The following TPO variants were observed in gnomAD, a reference collection of about 807,000 sequenced individuals.
TPO encodes thyroid peroxidase.
TPO carries 78 observed loss-of-function variants against 96.9 expected under a neutral mutation model. That is an observed-to-expected ratio of 0.81 (90% CI 0.67 to 0.97). TPO has a LOEUF of 0.97. TPO is among the 50% of genes least tolerant of loss of function. The pLI, the probability that TPO is intolerant of heterozygous loss-of-function variation, is 0.00. For missense variants in TPO, 1,252 were observed against 1,274.8 expected (o/e 0.98, Z 0.27); for synonymous variants, 547 against 538.0 (o/e 1.02, Z -0.23).
intron 8 of TPO, among the ~76,000 whole-genome samples, chr2:1,480,600 A>ACACACACACACC (rs1670463130): frequency 7.3e-6 from 1 of 137,926 alleles, no homozygotes; most frequent in Non-Finnish European, 1.6e-5. Flanking sequence ...ACACACACAC[A>ACACACACACACC]CACACGAGCC....
chr2:1,386,788 T>C (rs1358352323), intron 1 of TPO, among the ~76,000 whole-genome samples: 1 of 152,224 alleles, frequency 6.6e-6, no homozygotes, highest in African/African-American at 2.4e-5. Flanking sequence ...CATTAGTTGA[T>C]GCAGTTTCTT....
chr2:1,402,280 G>T (rs1662184007), intron 1 of TPO, among the ~76,000 whole-genome samples: 1 of 152,208 alleles, frequency 6.6e-6, no homozygotes, highest in Non-Finnish European at 1.5e-5. Flanking sequence ...TCTGGGGGCA[G>T]ATAGTGAAAG....
chr2:1,528,497 T>C (rs1399548738), intron 15 of TPO, among the ~76,000 whole-genome samples: 2 of 125,722 alleles, frequency 1.6e-5, no homozygotes, highest in African/African-American at 6.7e-5. Flanking sequence ...AATCCCCCCT[T>C]CTGTGCAATT....
At chr2:1,484,143 A>C (rs919942653) in intron 8 of TPO, among the ~76,000 whole-genome samples, 3 of 152,190 alleles carry the variant, frequency 2.0e-5, no homozygotes, top group Non-Finnish European at 2.9e-5. Flanking sequence ...AGGCCCTGTG[A>C]TTGCAACTGT....
chr2:1,391,040 T>A (rs2148358029), intron 1 of TPO, among the ~76,000 whole-genome samples: 1 of 152,338 alleles, frequency 6.6e-6, no homozygotes, highest in African/African-American at 2.4e-5. Context: ...TTTAATTAGA[T>A]CCCATTTGTC....
At chr2:1,399,084 A>G (rs1390886170) in intron 1 of TPO, among the ~76,000 whole-genome samples, 1 of 152,114 alleles carries the variant, frequency 6.6e-6, no homozygotes, top group African/African-American at 2.4e-5. Flanking sequence ...CTGCAGGTGC[A>G]TTTCCCAGGT....
chr2:1,531,249 T>TTCCCCCCACTGTGAGCAATCTCCTCAAA (rs1166779902), intron 15 of TPO, among the ~76,000 whole-genome samples: 1 of 94,538 alleles, frequency 1.1e-5, no homozygotes, highest in African/African-American at 4.3e-5. Context: ...CCGCCTCATA[T>TTCCCCCCACTGTGAGCAATCTCCTCAAA]TCCCCCCACT....
chr2:1,475,547 C>T (rs1669822463), intron 7 of TPO, among the ~76,000 whole-genome samples: 1 of 152,144 alleles, frequency 6.6e-6, no homozygotes, highest in Non-Finnish European at 1.5e-5. Context: ...CCTCAGCCTC[C>T]CGAGTAGCTG....
chr2:1,393,940 TA>T (rs1316736416), intron 1 of TPO, among the ~76,000 whole-genome samples: 1 of 152,240 alleles, frequency 6.6e-6, no homozygotes, highest in African/African-American at 2.4e-5. Flanking sequence ...CTGTGAAAGA[TA>T]AAACAGACCG....
At chr2:1,533,443 T>A (rs1678823207) in intron 15 of TPO, among the ~76,000 whole-genome samples, 1 of 50,858 alleles carries the variant, frequency 2.0e-5, no homozygotes, top group Non-Finnish European at 3.6e-5. Context: ...CCTCCCGAAA[T>A]CGCCCCCACT....
chr2:1,534,663 A>G (rs1204265220), intron 15 of TPO, among the ~76,000 whole-genome samples: 1 of 6,306 alleles, frequency 1.6e-4, no homozygotes, highest in Non-Finnish European at 3.9e-4. Flanking sequence ...GTCCCCAAAT[A>G]CCCCCCCCAC....
intron 13 of TPO, 80 bp from the exon 14 acceptor site, chr2:1,503,868 C>G (rs755707279): frequency 1.9e-6 from 3 of 1,611,830 alleles, no homozygotes; most frequent in Admixed American, 3.3e-5. Flanking sequence ...GAGAGAAGCA[C>G]CTCCCAGAAC....
At chr2:1,474,554 C>T (rs1351069260) in intron 7 of TPO, among the ~76,000 whole-genome samples, 1 of 152,166 alleles carries the variant, frequency 6.6e-6, no homozygotes, top group African/African-American at 2.4e-5. Flanking sequence ...AGAAGTCCAC[C>T]GTCAATGCCA....
intron 5 of TPO, among the ~76,000 whole-genome samples, chr2:1,440,176 T>C (rs1558288029): frequency 6.7e-6 from 1 of 148,956 alleles, no homozygotes; most frequent in Non-Finnish European, 1.5e-5. Flanking sequence ...CCGTGCTGCG[T>C]TTCCACCGTG....
chr2:1,541,106 T>C (rs943723176), intron 16 of TPO: 4 of 1,195,654 alleles, frequency 3.3e-6, no homozygotes, highest in Non-Finnish European at 4.2e-6. Context: ...TGGAAAAATG[T>C]GTATGTTTAT....
chr2:1,481,427 C>T (rs1670629772), intron 8 of TPO, among the ~76,000 whole-genome samples: 1 of 152,114 alleles, frequency 6.6e-6, no homozygotes, highest in Non-Finnish European at 1.5e-5. Context: ...TTTCTATGCC[C>T]CGGCCATCAG....
At chr2:1,423,175 G>T (rs762435908) in intron 3 of TPO, 46 bp downstream of exon 3, 9 of 1,575,138 alleles carry the variant, frequency 5.7e-6, no homozygotes, top group African/African-American at 2.7e-5. Flanking sequence ...ACCGACAGGC[G>T]CATCCTCCCT....
intron 10 of TPO, among the ~76,000 whole-genome samples, chr2:1,492,863 T>C (rs1671906177): frequency 6.6e-6 from 1 of 151,974 alleles, no homozygotes; most frequent in Admixed American, 6.6e-5. Context: ...TGGGCGGCGC[T>C]CTGATCAGAA....
chr2:1,505,178 T>C (rs936871423), intron 14 of TPO, among the ~76,000 whole-genome samples: 7 of 152,168 alleles, frequency 4.6e-5, no homozygotes, highest in African/African-American at 1.2e-4. Context: ...GGAGGCTCTT[T>C]CTGGGGCTCT....
Sources: gnomAD v4.1 joint callset for allele counts (sites outside exome capture counted in the v4.1 genomes callset) on GRCh38, gnomAD v4.1.1 for gene constraint, MANE v1.5 for transcripts, NCBI Gene and HGNC (gene_info 2026-07-23, HGNC 2026-07-21) for gene names.